STK4: variants seen among roughly 807,000 people sequenced by gnomAD.
STK4 encodes the protein serine/threonine-protein kinase 4.
STK4 carries 30 observed loss-of-function variants against 64.9 expected under a neutral mutation model. The ratio of observed to expected loss-of-function variants is 0.46; its 90% CI spans 0.35 to 0.63. STK4 has a LOEUF of 0.63. Among genes scored for constraint, STK4 ranks in the 20% least tolerant of loss-of-function variants. STK4 has a pLI of 0.01. For missense variants in STK4, 466 were observed against 598.5 expected (o/e 0.78, Z 2.31); for synonymous variants, 177 against 199.0 (o/e 0.89, Z 0.93).
chr20:44,987,663 A>G (rs1378507711), intron 5 of STK4, among the ~76,000 whole-genome samples: 8 of 152,206 alleles, frequency 5.3e-5, no homozygotes, highest in Non-Finnish European at 1.2e-4. Flanking sequence ...ACTTCCAGGT[A>G]GTACTTGGCA....
chr20:44,985,689 T>C (rs952775742), intron 4 of STK4, among the ~76,000 whole-genome samples: 1 of 152,232 alleles, frequency 6.6e-6, no homozygotes, highest in East Asian at 1.9e-4. Context: ...TAAATATTGA[T>C]TGATAATATC....
chr20:45,066,904 C>T lies in STK4; in HGVS notation c.1306-8114C>T, dbSNP rs113960792. On this transcript the variant is annotated intron_variant, in intron 10 of 10. Transcript: ENST00000372806. Reference sequence around the variant, plus strand: ...ACTAATGGTGTGGTACTTACTTAATCCACACAAGTTATGATTTGATTGTCA... The same window carrying T: ...ACTAATGGTGTGGTACTTACTTAATTCACACAAGTTATGATTTGATTGTCA... Among the ~76,000 whole-genome samples, 3 of 152,100 alleles carry T rather than the reference C, an allele frequency of 2.0e-5. No individual in the cohort carries two copies. In the East Asian group the frequency reaches 5.8e-4, roughly 29 times the overall value.
chr20:45,073,964 G>A (rs1194168123), intron 10 of STK4, among the ~76,000 whole-genome samples: 4 of 152,206 alleles, frequency 2.6e-5, no homozygotes, highest in Non-Finnish European at 5.9e-5. Context: ...TGGAGAGATT[G>A]GTAACTTGAC....
At chr20:45,038,979 T>C (rs1171544803) in intron 10 of STK4, among the ~76,000 whole-genome samples, 2 of 152,040 alleles carry the variant, frequency 1.3e-5, no homozygotes, top group Non-Finnish European at 2.9e-5. Context: ...ATTGTTCTGT[T>C]TGAAGTATAG....
chr20:45,042,571 C>T (rs772196423), intron 10 of STK4, among the ~76,000 whole-genome samples: 19 of 152,168 alleles, frequency 1.2e-4, no homozygotes, highest in Non-Finnish European at 2.1e-4. Flanking sequence ...TGAAATACAA[C>T]GCAATTAGCA....
Position 44,971,994 on chromosome 20 carries a change from GC to G in STK4, c.36-83del, listed in dbSNP as rs1454410537. On this transcript the variant is annotated intron_variant, in intron 1 of 10. Transcript: ENST00000372806. ...GTCTGTATAGAGAAGTTCCTGAGAT[GC>G]TAATTATAAAAAAAAGATATATTTT... 42 of 1,341,652 alleles carry G rather than the reference GC, an allele frequency of 3.1e-5. No individual in the cohort carries two copies. The Middle Eastern group carries it at 7.5e-4, about 24-fold the overall frequency. The allele number at this position is 1,341,652 out of a possible 1,614,324, so 83.1% of individuals were successfully genotyped here.
chr20:45,041,087 C>T (rs1046234604), intron 10 of STK4, among the ~76,000 whole-genome samples: 1 of 152,176 alleles, frequency 6.6e-6, no homozygotes, highest in African/African-American at 2.4e-5. Flanking sequence ...ATAATTTCTA[C>T]GTGGTTATGC....
chr20:44,974,423 A>G (rs1237965484), intron 2 of STK4: 2 of 152,158 alleles, frequency 1.3e-5, no homozygotes, highest in African/African-American at 4.8e-5. Flanking sequence ...AACTAGGAAT[A>G]TTTTGAAGGA....
chr20:44,974,556 C>T (rs774307250), intron 2 of STK4: 8 of 152,296 alleles, frequency 5.3e-5, no homozygotes, highest in South Asian at 2.1e-4. Context: ...CTGCAACCTC[C>T]GCCTCCCAGG....
At chr20:45,036,794 C>T (rs866385054) in intron 10 of STK4, among the ~76,000 whole-genome samples, 1 of 152,072 alleles carries the variant, frequency 6.6e-6, no homozygotes, top group Non-Finnish European at 1.5e-5. Flanking sequence ...TAGGTATTTA[C>T]GTATGGGAAA....
At chr20:45,028,034 A>G (rs1240122430) in intron 10 of STK4, among the ~76,000 whole-genome samples, 1 of 152,184 alleles carries the variant, frequency 6.6e-6, no homozygotes, top group Non-Finnish European at 1.5e-5. Context: ...GGTTGATTCC[A>G]TATCTTGGCT....
chr20:45,061,172 C>A (rs1416139213), intron 10 of STK4, among the ~76,000 whole-genome samples: 2 of 152,138 alleles, frequency 1.3e-5, no homozygotes, highest in Non-Finnish European at 2.9e-5. Context: ...TTGTGAATTC[C>A]ATAGCAAGTC....
intron 1 of STK4, among the ~76,000 whole-genome samples, chr20:44,970,997 A>G (rs1228896163): frequency 2.7e-5 from 4 of 148,856 alleles, no homozygotes; most frequent in African/African-American, 7.5e-5. Context: ...AGAGGTCTCC[A>G]GTGTGACTAC....
At position 45,003,368 on chromosome 20, in the gene STK4, G is replaced by A. The variant is rs535574836; in HGVS notation, c.1147+2015G>A. Among the ~76,000 whole-genome samples the A allele has an allele frequency of 2.0e-4, 30 of 152,232 alleles. No individual in the cohort carries two copies. The South Asian group carries it at 6.2e-3, about 32-fold the overall frequency. On this transcript the variant is annotated intron_variant, in intron 9 of 10. Transcript: ENST00000372806. ...TCAGATACTGATCTATGTGGTGTTA[G>A]ATAATTCACTTTCCTCCTATGGGTC...
intron 9 of STK4, among the ~76,000 whole-genome samples, chr20:45,009,241 A>G (rs184702175): frequency 2.0e-4 from 31 of 152,302 alleles, no homozygotes; most frequent in Admixed American, 9.8e-4. Flanking sequence ...TCCACTTTCA[A>G]TCTTCTTAAT....
chr20:45,021,022 G>C (rs1198513761), intron 9 of STK4, among the ~76,000 whole-genome samples: 1 of 152,024 alleles, frequency 6.6e-6, no homozygotes, highest in African/African-American at 2.4e-5. Flanking sequence ...GTCTTGCTAT[G>C]TTGCCCAGGC....
chr20:44,991,951 A>C (rs2067643169), intron 5 of STK4, among the ~76,000 whole-genome samples: 1 of 152,178 alleles, frequency 6.6e-6, no homozygotes, highest in African/African-American at 2.4e-5. Context: ...GGTTTGAGCC[A>C]TTGTGCCTGG....
intron 10 of STK4, among the ~76,000 whole-genome samples, chr20:45,060,338 CA>C (rs1232389881): frequency 6.6e-6 from 1 of 152,204 alleles, no homozygotes; most frequent in Non-Finnish European, 1.5e-5. Context: ...CTCTGTATCT[CA>C]AATGTGTTAC....
chr20:44,994,442 A>G (rs1399046527), intron 5 of STK4, among the ~76,000 whole-genome samples: 1 of 151,534 alleles, frequency 6.6e-6, no homozygotes, highest in Admixed American at 6.6e-5. Flanking sequence ...TTTGCTTTGT[A>G]ATGTATGTTG....
Sources: allele counts gnomAD v4.1 joint callset (sites outside exome capture counted in the v4.1 genomes callset), GRCh38; gene constraint gnomAD v4.1.1; transcripts MANE v1.5; gene names NCBI Gene and HGNC (gene_info 2026-07-23, HGNC 2026-07-21).